SCN10A: variants seen among roughly 807,000 people sequenced by gnomAD.
SCN10A encodes the protein sodium channel protein type 10 subunit alpha.
In SCN10A, 162 loss-of-function variants were observed where a neutral mutation model predicts 170.7. The ratio of observed to expected loss-of-function variants is 0.95; its 90% CI spans 0.84 to 1.08. SCN10A has a LOEUF of 1.08. Among genes scored for constraint, SCN10A ranks in the 50% least tolerant of loss-of-function variants. SCN10A has a pLI of 0.00. For synonymous variants in SCN10A, 985 were observed against 904.6 expected (o/e 1.09, Z -1.59); for missense variants, 2,527 against 2,436.9 (o/e 1.04, Z -0.78).
At position 38,763,595 on chromosome 3, in the gene SCN10A, A is replaced by T. The variant is rs1195147442; in HGVS notation, c.601T>A (p.Tyr201Asn). The T allele has an allele frequency of 6.2e-7, 1 of 1,612,984 alleles. No individual in the cohort carries two copies. The highest frequency in any genetic ancestry group is 8.5e-7 in the Non-Finnish European group (1 of 1,179,172). The stretch of plus-strand genomic sequence containing the variant: ...CGGAGATCTATTGCTGTGCCAACAT[A>T]TCTGTAGGACCAGAAGTTAGTCAGC... Reference protein sequence around the residue: ...WLDFSVITLAYVGTAIDLRGI... With the variant: ...WLDFSVITLANVGTAIDLRGI... The change falls in exon 6 of 28, where the codon TAT becomes AAT. Residue 201 changes from tyrosine to asparagine, a missense_variant and splice_region_variant. Tyr to Asn is a moderately radical substitution (Grantham distance 143, BLOSUM62 -2). Transcript: ENST00000449082.
At chr3:38,707,155 CCAA>C (rs2063218975) in intron 26 of SCN10A, 121 bp downstream of exon 26, 1 of 1,013,346 alleles carries the variant, frequency 9.9e-7, no homozygotes, top group South Asian at 1.8e-5. Flanking sequence ...CACCCTCATC[CCAA>C]CGTCAACCCA....
Position 38,739,632 on chromosome 3 carries a change from T to C in SCN10A, c.2163A>G (p.Pro721=). The stretch of plus-strand genomic sequence containing the variant: ...TCCACTTCTTCTGGAAATAATAGTA[T>C]GGGTCGAAGGCAATGATTTTGAAGA... ...EMVFKIIAFD[P]YYYFQKKWNI... The change falls in exon 15 of 28, where the codon CCA becomes CCG. Residue 721 remains proline, a synonymous_variant. Coordinates refer to ENST00000449082, the MANE Select transcript of SCN10A (RefSeq NM_006514.4). The C allele has an allele frequency of 6.2e-7, 1 of 1,614,026 alleles. No homozygotes were observed. Among genetic ancestry groups the C allele is most frequent in the Non-Finnish European group, 8.5e-7 (1 of 1,179,962 alleles).
chr3:38,757,416 C>G (rs559556837), intron 8 of SCN10A, among the ~76,000 whole-genome samples: 1 of 152,166 alleles, frequency 6.6e-6, no homozygotes, highest in Admixed American at 6.5e-5. Flanking sequence ...TGCCCAGACA[C>G]GATACTATAA....
rs1559433097 is a variant in SCN10A, at chr3:38,736,969, T to TTTTTG, written c.2280+2545_2280+2546insCAAAA. Among the ~76,000 whole-genome samples the TTTTTG allele has an allele frequency of 1.3e-4, 12 of 91,892 alleles. 2 individuals carry two copies. Among genetic ancestry groups the TTTTTG allele is most frequent in the Non-Finnish European group, 2.0e-4 (9 of 44,698 alleles). 60.3% of individuals were successfully genotyped at this position (91,892 alleles called of 152,430 possible). A position where few individuals can be genotyped will look rare whatever the true frequency, so the allele number is the denominator to read the frequency against. On this transcript the variant is annotated intron_variant, in intron 15 of 27. Coordinates refer to ENST00000449082, the MANE Select transcript of SCN10A (RefSeq NM_006514.4). ...AAGTGTAGCAGAAATGTTCGTTTTT[T>TTTTTG]TTTTTTTTTTTTTTTTTTTGAGACG...
chr3:38,768,330 G>T, intron 5 of SCN10A, among the ~76,000 whole-genome samples: 1 of 151,748 alleles, frequency 6.6e-6, no homozygotes, highest in African/African-American at 2.4e-5. Context: ...TTGTTTTATA[G>T]GTCCTTTGAT....
intron 11 of SCN10A, among the ~76,000 whole-genome samples, chr3:38,754,953 G>A (rs555827256): frequency 4.0e-4 from 61 of 152,228 alleles, no homozygotes; most frequent in Middle Eastern, 3.4e-3. Context: ...TATAGAAAGG[G>A]CATATTTGGG....
intron 18 of SCN10A, among the ~76,000 whole-genome samples, chr3:38,724,494 A>G (rs1203669420): frequency 6.6e-6 from 1 of 152,198 alleles, no homozygotes; most frequent in Non-Finnish European, 1.5e-5. Context: ...TACCTTGTAT[A>G]AGACAATCCT....
chr3:38,797,414 C>T (rs2064346953), intron 1 of SCN10A, among the ~76,000 whole-genome samples: 1 of 152,174 alleles, frequency 6.6e-6, no homozygotes, highest in South Asian at 2.1e-4. Context: ...AGCTTTCCCT[C>T]ACCCTCTTCC....
At chr3:38,735,432 G>T (rs768128277) in intron 15 of SCN10A, among the ~76,000 whole-genome samples, 2 of 152,146 alleles carry the variant, frequency 1.3e-5, no homozygotes, top group African/African-American at 4.8e-5. Flanking sequence ...TGAAAGACTG[G>T]TATACAGCGT....
intron 4 of SCN10A, among the ~76,000 whole-genome samples, chr3:38,775,173 C>CA (rs1353622181): frequency 6.6e-6 from 1 of 152,152 alleles, no homozygotes; most frequent in Admixed American, 6.5e-5. Flanking sequence ...TATTGTGGAA[C>CA]TATCACCACT....
At chr3:38,719,708 T>G (rs1290836061) in intron 20 of SCN10A, among the ~76,000 whole-genome samples, 1 of 152,186 alleles carries the variant, frequency 6.6e-6, no homozygotes, top group Admixed American at 6.5e-5. Flanking sequence ...TACAAGTGAC[T>G]GGCAGGAGTG....
At chr3:38,786,006 A>G (rs1039059096) in intron 4 of SCN10A, among the ~76,000 whole-genome samples, 22 of 152,290 alleles carry the variant, frequency 1.4e-4, no homozygotes, top group African/African-American at 5.3e-4. Context: ...GTGGAGAGAT[A>G]GGAATGCTTT....
chr3:38,780,810 C>G (rs984495218), intron 4 of SCN10A, among the ~76,000 whole-genome samples: 2 of 152,036 alleles, frequency 1.3e-5, no homozygotes, highest in African/African-American at 4.8e-5. Context: ...ACGCATTTGG[C>G]CCAGGGATTG....
At chr3:38,798,130 T>C (rs2064350722) in intron 1 of SCN10A, among the ~76,000 whole-genome samples, 1 of 152,170 alleles carries the variant, frequency 6.6e-6, no homozygotes, top group Admixed American at 6.5e-5. Flanking sequence ...GAGCTATTTC[T>C]AGGAATGTCA....
intron 15 of SCN10A, among the ~76,000 whole-genome samples, chr3:38,732,154 A>T (rs1018189619): frequency 6.6e-6 from 1 of 152,262 alleles, no homozygotes; most frequent in African/African-American, 2.4e-5. Flanking sequence ...GACTGGTCAT[A>T]TAGTCTCCAT....
Position 38,714,026 on chromosome 3 carries a change from T to A in SCN10A, c.3736A>T (p.Ile1246Phe). 1 of 1,614,194 alleles carries A rather than the reference T, an allele frequency of 6.2e-7. No individual in the cohort carries two copies. The highest frequency in any genetic ancestry group is 8.5e-7 in the Non-Finnish European group (1 of 1,180,036). Reference sequence around the variant, plus strand: ...GCGCGAAGGGTTCGAAGGGCTTTGATGGGAGCCACTTCAGAATATTCCAGA... The same window carrying A: ...GCGCGAAGGGTTCGAAGGGCTTTGAAGGGAGCCACTTCAGAATATTCCAGA... ...KILEYSEVAP[I>F]KALRTLRALR... Residue 1246 changes from isoleucine (I) to phenylalanine (F), a missense_variant, in exon 22 of 28, where the codon ATC becomes TTC. By Grantham distance (21) the Ile-to-Phe change is conservative. Transcript: ENST00000449082.
chr3:38,777,014 A>T (rs189651151), intron 4 of SCN10A, among the ~76,000 whole-genome samples: 41 of 152,210 alleles, frequency 2.7e-4, no homozygotes, highest in African/African-American at 8.2e-4. Flanking sequence ...CAAACAAGAA[A>T]TGGAAAAAAT....
At chr3:38,762,073 G>C (rs1278566466) in intron 6 of SCN10A, among the ~76,000 whole-genome samples, 26 of 152,194 alleles carry the variant, frequency 1.7e-4, no homozygotes, top group Admixed American at 1.7e-3. Flanking sequence ...TGTTTAAGGA[G>C]GGATGATTTG....
chr3:38,761,486 A>C, intron 6 of SCN10A, 103 bp from the exon 7 acceptor site: 2 of 970,548 alleles, frequency 2.1e-6, no homozygotes, highest in Non-Finnish European at 3.1e-6. Context: ...TACAGGAGTG[A>C]AGTATGTACA....
Sources: allele counts gnomAD v4.1 joint callset (sites outside exome capture counted in the v4.1 genomes callset), GRCh38; gene constraint gnomAD v4.1.1; transcripts MANE v1.5; gene names NCBI Gene and HGNC (gene_info 2026-07-23, HGNC 2026-07-21).